Variants in CNNM2 observed in about 807,000 individuals in gnomAD.
CNNM2 encodes the protein metal transporter CNNM2.
A neutral mutation model predicts 66.9 loss-of-function variants in CNNM2; 12 were observed. The observed-to-expected ratio is 0.18, with a 90% CI of 0.11 to 0.29. The LOEUF (loss-of-function observed/expected upper bound fraction) is 0.29, where lower values mean the gene tolerates loss of function less well. Among genes scored for constraint, CNNM2 ranks in the 10% least tolerant of loss-of-function variants. CNNM2 has a pLI of 1.00. For missense variants in CNNM2, 705 were observed against 1,167.7 expected (o/e 0.60, Z 5.77); for synonymous variants, 557 against 501.8 (o/e 1.11, Z -1.47).
At chr10:103,004,250 G>A (rs1450216245) in intron 1 of CNNM2, among the ~76,000 whole-genome samples, 1 of 151,966 alleles carries the variant, frequency 6.6e-6, no homozygotes, top group Non-Finnish European at 1.5e-5. Context: ...TGATCTGCCC[G>A]CCTCAGCCTC....
rs1322147471 is a variant in CNNM2 at position 102,919,590 on chromosome 10, T to A, written c.1110T>A (p.Ala370=). Residue 370 remains alanine (A), a synonymous_variant, in exon 1 of 8, where the codon GCT becomes GCA. Transcript: ENST00000369878. The stretch of plus-strand genomic sequence containing the variant: ...CCATCTGCTCCCGGCATGGCCTGGC[T>A]GTGGGGGCCAACACCATCTTCCTCA... ...PQAICSRHGL[A]VGANTIFLTK... 1 of 1,613,726 alleles carries A rather than the reference T, an allele frequency of 6.2e-7. No individual in the cohort carries two copies. Among genetic ancestry groups the A allele is most frequent in the Non-Finnish European group, 8.5e-7 (1 of 1,180,028 alleles).
chr10:103,074,242 C>G (rs898585069), intron 6 of CNNM2, among the ~76,000 whole-genome samples: 1 of 152,068 alleles, frequency 6.6e-6, no homozygotes, highest in Non-Finnish European at 1.5e-5. Context: ...GGGCCAAGAT[C>G]GCACCACTGC....
chr10:103,003,650 C>G (rs2064167384), intron 1 of CNNM2, among the ~76,000 whole-genome samples: 1 of 151,806 alleles, frequency 6.6e-6, no homozygotes, highest in African/African-American at 2.4e-5. Flanking sequence ...ATGGTGAAAC[C>G]CTGTCTCTAC....
intron 2 of CNNM2, among the ~76,000 whole-genome samples, chr10:103,050,080 T>A (rs2065190637): frequency 6.6e-6 from 1 of 152,226 alleles, no homozygotes; most frequent in African/African-American, 2.4e-5. Context: ...TAACCACTGA[T>A]GAGGGCATTA....
intron 1 of CNNM2, among the ~76,000 whole-genome samples, chr10:103,011,013 A>G (rs2064332642): frequency 6.6e-6 from 1 of 152,242 alleles, no homozygotes; most frequent in Admixed American, 6.5e-5. Context: ...TTTCATTTTG[A>G]AAAAAGTAGT....
At chr10:102,923,994 G>A (rs1392490692) in intron 1 of CNNM2, among the ~76,000 whole-genome samples, 3 of 152,214 alleles carry the variant, frequency 2.0e-5, no homozygotes, top group African/African-American at 7.2e-5. Context: ...ATAACTGGTT[G>A]CTAATGAGCA....
At chr10:103,060,044 G>C (rs903588664) in intron 4 of CNNM2, among the ~76,000 whole-genome samples, 3 of 152,178 alleles carry the variant, frequency 2.0e-5, no homozygotes, top group African/African-American at 7.2e-5. Context: ...GGAGGCTGAG[G>C]CAGGATTGCT....
intron 4 of CNNM2, among the ~76,000 whole-genome samples, chr10:103,060,427 G>A (rs894424139): frequency 6.6e-6 from 1 of 151,884 alleles, no homozygotes; most frequent in Non-Finnish European, 1.5e-5. Context: ...TAGGAGTGGT[G>A]GCAGCTACTC....
At chr10:102,970,468 C>T (rs1250760748) in intron 1 of CNNM2, among the ~76,000 whole-genome samples, 2 of 152,248 alleles carry the variant, frequency 1.3e-5, no homozygotes, top group Admixed American at 1.3e-4. Flanking sequence ...TCAGTAGAGA[C>T]TGTACAGCCT....
At chr10:102,993,272 T>C (rs909242941) in intron 1 of CNNM2, among the ~76,000 whole-genome samples, 1 of 152,158 alleles carries the variant, frequency 6.6e-6, no homozygotes, top group African/African-American at 2.4e-5. Flanking sequence ...ATGGTCAGAG[T>C]AGATTATTGA....
At chr10:102,945,264 T>G (rs1473143716) in intron 1 of CNNM2, among the ~76,000 whole-genome samples, 2 of 152,126 alleles carry the variant, frequency 1.3e-5, no homozygotes, top group South Asian at 2.1e-4. Flanking sequence ...AAGCACCTTA[T>G]TTTCCAGAGG....
intron 1 of CNNM2, among the ~76,000 whole-genome samples, chr10:103,035,606 A>T (rs1160542039): frequency 6.6e-6 from 1 of 152,238 alleles, no homozygotes; most frequent in African/African-American, 2.4e-5. Context: ...TGGATGGGCC[A>T]TTAAGTAAGT....
intron 1 of CNNM2, among the ~76,000 whole-genome samples, chr10:102,928,193 C>T (rs1845941454): frequency 6.6e-6 from 1 of 152,072 alleles, no homozygotes; most frequent in Non-Finnish European, 1.5e-5. Context: ...TGTGCTTAAC[C>T]AGTATTTTTA....
Position 103,054,606 on chromosome 10 carries a change from G to T in CNNM2, c.1903+140G>T, listed in dbSNP as rs188781850. On this transcript the variant is annotated intron_variant, in intron 3 of 7. Transcript: ENST00000369878. The surrounding 1 kb of genome is among the most constrained non-coding windows in gnomAD (Gnocchi z 5.2). ...GCCACTTTTGTGTTTTGTTTTTTTT[G>T]TTTTTTTGTTTTGTTTTGTTTTTTT... The T allele has an allele frequency of 1.4e-6, 1 of 723,772 alleles. No individual in the cohort carries two copies. The highest frequency in any genetic ancestry group is 2.0e-6 in the Non-Finnish European group (1 of 495,312). 44.8% of individuals were successfully genotyped at this position (723,772 alleles called of 1,614,324 possible).
intron 1 of CNNM2, among the ~76,000 whole-genome samples, chr10:103,034,943 G>A (rs908419502): frequency 1.4e-5 from 2 of 140,976 alleles, no homozygotes; most frequent in South Asian, 2.3e-4. Context: ...TCTGCAGTCC[G>A]GCCTGGGCGA....
At position 102,958,874 on chromosome 10, in the gene CNNM2, TG is replaced by T. The variant is rs1488323713; in HGVS notation, c.1621+38776del. On this transcript the variant is annotated intron_variant, in intron 1 of 7. Transcript: ENST00000369878. ...CTTTTAAATGATGGCCAGAAGTTAGTGGGTGCTTTCAGATTGTGAGGCAGGA... is the reference window on the plus strand; with the variant it reads ...CTTTTAAATGATGGCCAGAAGTTAGTGGTGCTTTCAGATTGTGAGGCAGGA... 7.2e-5 allele frequency among the ~76,000 whole-genome samples: 11 copies of T among 152,142 alleles called. No homozygotes were observed. The South Asian group carries it at 8.3e-4, about 11-fold the overall frequency.
At chr10:103,053,999 G>A (rs2065256797) in intron 2 of CNNM2, among the ~76,000 whole-genome samples, 1 of 152,192 alleles carries the variant, frequency 6.6e-6, no homozygotes, top group Non-Finnish European at 1.5e-5. Flanking sequence ...CCCTGTTGCT[G>A]TGTGCTTCTG....
rs1199356201 is a variant in CNNM2, at chr10:103,081,632, T to C, written c.*4452T>C. On this transcript the variant is annotated 3_prime_UTR_variant, in exon 8 of 8. Coordinates refer to ENST00000369878, the MANE Select transcript of CNNM2 (RefSeq NM_017649.5). The stretch of plus-strand genomic sequence containing the variant: ...GGTTCATTTGCCTCCGTTTGAGGGG[T>C]GAGTGGTGCACCAATAGCTTGCTGC... 2 of 152,090 alleles carry C rather than the reference T, an allele frequency of 1.3e-5. No homozygotes were observed. The highest frequency in any genetic ancestry group is 2.9e-5 in the Non-Finnish European group (2 of 68,022). The allele number at this position is 152,090 out of a possible 1,614,324, so 9.4% of individuals were successfully genotyped here. A position where few individuals can be genotyped will look rare whatever the true frequency, so the allele number is the denominator to read the frequency against.
rs116394543 is a variant in CNNM2 at position 103,046,090 on chromosome 10, G to A, written c.1622-3617G>A. 8.5e-3 allele frequency among the ~76,000 whole-genome samples: 1,292 copies of A among 152,358 alleles called. 22 individuals are homozygous for A. The highest frequency in any genetic ancestry group is 0.028 in the African/African-American group (1,185 of 41,580). On this transcript the variant is annotated intron_variant, in intron 1 of 7. Coordinates refer to ENST00000369878, the MANE Select transcript of CNNM2 (RefSeq NM_017649.5). ...ATTACCACTTAGTGATCACCCAGCC[G>A]ATTCCAGGCAGTGTCTTTGCTGGGT...
Sources: gnomAD v4.1 joint callset for allele counts (sites outside exome capture counted in the v4.1 genomes callset) on GRCh38, gnomAD v4.1.1 for gene constraint, Gnocchi (gnomAD v3.1) non-coding constraint, MANE v1.5 for transcripts, NCBI Gene and HGNC (gene_info 2026-07-23, HGNC 2026-07-21) for gene names.